SORCS1: variants seen among roughly 807,000 people sequenced by gnomAD.
The protein encoded by SORCS1 is VPS10 domain-containing receptor SorCS1.
A neutral mutation model predicts 146.1 loss-of-function variants in SORCS1; 60 were observed. The ratio of observed to expected loss-of-function variants is 0.41; its 90% confidence interval spans 0.33 to 0.51. The LOEUF (loss-of-function observed/expected upper bound fraction) is 0.51, where lower values mean the gene tolerates loss of function less well. Ranked by LOEUF, SORCS1 falls within the 20% of genes least tolerant of loss-of-function variation. The probability of loss-of-function intolerance (pLI) is 0.21; values close to 1 mark genes in which losing one functional copy is unlikely to be tolerated. For synonymous variants in SORCS1, 637 were observed against 584.0 expected (o/e 1.09, Z -1.31); for missense variants, 1,352 against 1,487.6 (o/e 0.91, Z 1.50).
intron 23 of SORCS1, 125 bp from the exon 24 acceptor site, chr10:106,597,575 G>GGTTT: frequency 1.5e-6 from 1 of 661,858 alleles, no homozygotes; most frequent in Non-Finnish European, 2.5e-6. Flanking sequence ...ATATAAATAA[G>GGTTT]GTTTATATGA....
Position 106,851,401 on chromosome 10 carries a change from T to G in SORCS1, c.627-21728A>C, listed in dbSNP as rs894948745. On this transcript the variant is annotated intron_variant, in intron 2 of 25. Coordinates refer to ENST00000263054, the MANE Select transcript of SORCS1 (RefSeq NM_052918.5). ...GTAAGGTCTGTGTTCAAACTTCCTTTTATTTGTATTTATTTTTGCCTGTGG... is the reference window on the plus strand; with the variant it reads ...GTAAGGTCTGTGTTCAAACTTCCTTGTATTTGTATTTATTTTTGCCTGTGG... 1.8e-4 allele frequency among the ~76,000 whole-genome samples: 27 copies of G among 152,210 alleles called. 1 individual carries two copies. Among genetic ancestry groups the G allele is most frequent in the African/African-American group, 6.3e-4 (26 of 41,456 alleles).
intron 1 of SORCS1, among the ~76,000 whole-genome samples, chr10:107,049,320 A>G (rs1352038536): frequency 2.0e-5 from 3 of 148,430 alleles, no homozygotes; most frequent in Non-Finnish European, 4.5e-5. Flanking sequence ...CCTAATGCTA[A>G]ATGACGAGTT....
intron 2 of SORCS1, among the ~76,000 whole-genome samples, chr10:106,852,710 G>A (rs1949640528): frequency 6.6e-6 from 1 of 151,258 alleles, no homozygotes; most frequent in African/African-American, 2.4e-5. Flanking sequence ...ACCATGAATT[G>A]GTATTAAGTT....
upstream of SORCS1, among the ~76,000 whole-genome samples, chr10:107,168,061 G>T (rs1970092048): frequency 6.6e-6 from 1 of 152,164 alleles, no homozygotes; most frequent in Admixed American, 6.5e-5. Context: ...TACCATGGCT[G>T]ACCAAGTACT....
intron 22 of SORCS1, among the ~76,000 whole-genome samples, chr10:106,609,400 C>T (rs1045847440): frequency 2.6e-5 from 4 of 152,188 alleles, no homozygotes; most frequent in African/African-American, 9.7e-5. Context: ...CAATTTAATA[C>T]TAAATTTTGT....
intron 1 of SORCS1, among the ~76,000 whole-genome samples, chr10:107,072,887 T>A (rs1375874498): frequency 6.6e-6 from 1 of 151,930 alleles, no homozygotes; most frequent in African/African-American, 2.4e-5. Flanking sequence ...GGACACCAGA[T>A]CTCCTTCTAA....
chr10:106,600,496 G>GA, intron 23 of SORCS1: 7 of 984,028 alleles, frequency 7.1e-6, no homozygotes, highest in Non-Finnish European at 8.4e-6. Context: ...AAATGAGTAT[G>GA]AAACTGTTGA....
intron 14 of SORCS1, 51 bp from the exon 15 acceptor site, chr10:106,673,036 G>T: frequency 7.0e-7 from 1 of 1,433,016 alleles, no homozygotes; most frequent in Non-Finnish European, 9.8e-7. Flanking sequence ...AATGTAATGA[G>T]TAATAACAAC....
At chr10:106,879,795 A>G (rs1036592413) in intron 2 of SORCS1, among the ~76,000 whole-genome samples, 39 of 152,336 alleles carry the variant, frequency 2.6e-4, no homozygotes, top group African/African-American at 9.1e-4. Context: ...CTACAGCCTT[A>G]GGACCTGGAT....
intron 9 of SORCS1, among the ~76,000 whole-genome samples, chr10:106,695,718 A>ATAT (rs150993987): frequency 9.6e-5 from 2 of 20,782 alleles, no homozygotes; most frequent in Non-Finnish European, 6.2e-4. Flanking sequence ...GATATTAATG[A>ATAT]TAACAAAATT....
intron 1 of SORCS1, among the ~76,000 whole-genome samples, chr10:107,050,233 G>T (rs1441542335): frequency 6.6e-6 from 1 of 152,150 alleles, no homozygotes; most frequent in Non-Finnish European, 1.5e-5. Context: ...ATAATGGTTA[G>T]ATTTCTTTCT....
At chr10:107,166,271 T>C (rs996762892), upstream of SORCS1, among the ~76,000 whole-genome samples, 1 of 152,228 alleles carries the variant, frequency 6.6e-6, no homozygotes, top group African/African-American at 2.4e-5. Context: ...AAGTTCAAAG[T>C]AATACAGAGT....
At chr10:106,863,076 A>G (rs1448742387) in intron 2 of SORCS1, among the ~76,000 whole-genome samples, 2 of 146,796 alleles carry the variant, frequency 1.4e-5, no homozygotes, top group Non-Finnish European at 3.0e-5. Flanking sequence ...TTCCCCCCAA[A>G]CAAACAAACA....
intron 2 of SORCS1, among the ~76,000 whole-genome samples, chr10:106,901,936 C>T (rs191472496): frequency 0.025 from 3,798 of 151,592 alleles, 65 homozygotes; most frequent in Non-Finnish European, 0.04. Flanking sequence ...CCCAGCTACT[C>T]GGGAGGCTGA....
At chr10:106,995,653 G>A (rs960688425) in intron 1 of SORCS1, among the ~76,000 whole-genome samples, 2 of 152,164 alleles carry the variant, frequency 1.3e-5, no homozygotes, top group African/African-American at 4.8e-5. Context: ...TTCTTCCTAA[G>A]TTAGGGCTAC....
intron 17 of SORCS1, among the ~76,000 whole-genome samples, chr10:106,658,019 G>A (rs937841880): frequency 1.3e-5 from 2 of 152,030 alleles, no homozygotes; most frequent in African/African-American, 4.8e-5. Context: ...GATATTTCAA[G>A]TTCCCCCAAA....
chr10:106,857,895 G>A (rs1039583721), intron 2 of SORCS1, among the ~76,000 whole-genome samples: 1 of 152,168 alleles, frequency 6.6e-6, no homozygotes, highest in Non-Finnish European at 1.5e-5. Context: ...ACGATGACGT[G>A]GAGCTGAAGG....
intron 1 of SORCS1, among the ~76,000 whole-genome samples, chr10:106,993,987 G>T (rs910101884): frequency 7.0e-6 from 1 of 142,522 alleles, no homozygotes; most frequent in Non-Finnish European, 1.5e-5. Context: ...CTTGAGCCTG[G>T]AAGGTGGAGA....
intron 8 of SORCS1, among the ~76,000 whole-genome samples, chr10:106,702,922 A>G (rs1854236371): frequency 6.6e-6 from 1 of 152,202 alleles, no homozygotes; most frequent in African/African-American, 2.4e-5. Context: ...AGACTTGAAA[A>G]GGAGGAAGGG....
Sources: gnomAD v4.1 joint callset for allele counts (sites outside exome capture counted in the v4.1 genomes callset) on GRCh38, gnomAD v4.1.1 for gene constraint, MANE v1.5 for transcripts, NCBI Gene and HGNC (gene_info 2026-07-23, HGNC 2026-07-21) for gene names.